CRIM1: variants seen among roughly 807,000 people sequenced by gnomAD.
The protein encoded by CRIM1 is cysteine rich transmembrane BMP regulator 1.
CRIM1 carries 32 observed loss-of-function variants against 116.4 expected under a neutral mutation model. The ratio of observed to expected loss-of-function variants is 0.27; its 90% confidence interval spans 0.21 to 0.37. The LOEUF is 0.37. Among genes scored for constraint, CRIM1 ranks in the 10% least tolerant of loss-of-function variants. CRIM1 has a pLI of 1.00. For synonymous variants in CRIM1, 590 were observed against 509.2 expected, an observed-to-expected ratio of 1.16 and a Z score of -2.13; for missense variants, 1,331 against 1,354.8, an observed-to-expected ratio of 0.98 and a Z score of 0.28.
intron 4 of CRIM1, among the ~76,000 whole-genome samples, chr2:36,457,820 C>T (rs1677261198): frequency 6.6e-6 from 1 of 151,452 alleles, no homozygotes; most frequent in Non-Finnish European, 1.5e-5. Flanking sequence ...AAAGATAGTA[C>T]ATCGAATTTA....
rs114385293 is a variant in CRIM1, at chr2:36,359,336, T to A, written c.331+2713T>A. On this transcript the variant is annotated intron_variant, in intron 1 of 16. Transcript: ENST00000280527. ...ACTAATCTCCCTGCTTTCGATGACA[T>A]AATTTAAATACAAATTATATTCTCT... Among the ~76,000 whole-genome samples the A allele has an allele frequency of 5.2e-3, 797 of 152,374 alleles. 4 individuals carry two copies. The highest frequency in any genetic ancestry group is 0.017 in the African/African-American group (717 of 41,582).
chr2:36,491,688 G>A lies in CRIM1; in HGVS notation c.1373-7531G>A, dbSNP rs529005803. Among the ~76,000 whole-genome samples the A allele has an allele frequency of 1.1e-4, 17 of 152,218 alleles. No individual in the cohort carries two copies. In the East Asian group the frequency reaches 3.1e-3, roughly 28 times the overall value. ...CAATGAATGAAGTATTGTCCCTAAC[G>A]TGCAGACCCTTCCTCCCTGGTTTTC... On this transcript the variant is annotated intron_variant, in intron 7 of 16. Coordinates refer to ENST00000280527, the MANE Select transcript of CRIM1 (RefSeq NM_016441.3).
rs758391999 is a variant in CRIM1, at chr2:36,549,352, G to A, written c.*651G>A. 1.3e-5 allele frequency: 2 copies of A among 152,598 alleles called. No homozygotes were observed. Among genetic ancestry groups the A allele is most frequent in the East Asian group, 1.9e-4 (1 of 5,194 alleles). The allele number at this position is 152,598 out of a possible 1,614,324, so 9.5% of individuals were successfully genotyped here. A position where few individuals can be genotyped will look rare whatever the true frequency, so the allele number is the denominator to read the frequency against. On this transcript the variant is annotated 3_prime_UTR_variant, in exon 17 of 17. Coordinates refer to ENST00000280527, the MANE Select transcript of CRIM1 (RefSeq NM_016441.3). The stretch of plus-strand genomic sequence containing the variant: ...GCATTTCTCTAAAGCGGGTTATTAA[G>A]GATATATACAGTTACACTTTTTGCT...
intron 12 of CRIM1, among the ~76,000 whole-genome samples, chr2:36,519,151 A>C (rs1354413636): frequency 6.6e-6 from 1 of 152,112 alleles, no homozygotes; most frequent in African/African-American, 2.4e-5. Flanking sequence ...GCACTGGGGG[A>C]GGAAATGCCT....
At position 36,453,758 on chromosome 2, in the gene CRIM1, G is replaced by T. The variant is rs560675138; in HGVS notation, c.870-10776G>T. ...TGTTGTGTGCTTTGGTAGTAGAAGT[G>T]TGCAAAAAACACAAAGTTAGCAAAG... On this transcript the variant is annotated intron_variant, in intron 4 of 16. Coordinates refer to ENST00000280527, the MANE Select transcript of CRIM1 (RefSeq NM_016441.3). Among the ~76,000 whole-genome samples, 31 of 152,308 alleles carry T rather than the reference G, an allele frequency of 2.0e-4. 1 individual carries two copies. In the South Asian group the frequency reaches 6.2e-3, roughly 31 times the overall value.
At chr2:36,420,803 G>A (rs1673996019) in intron 2 of CRIM1, among the ~76,000 whole-genome samples, 1 of 152,204 alleles carries the variant, frequency 6.6e-6, no homozygotes, top group Non-Finnish European at 1.5e-5. Context: ...CAGAACAGAT[G>A]GGCAGTTGGG....
intron 2 of CRIM1, among the ~76,000 whole-genome samples, chr2:36,435,227 A>G (rs1392330957): frequency 6.6e-6 from 1 of 152,134 alleles, no homozygotes; most frequent in African/African-American, 2.4e-5. Context: ...TGTTCTACCT[A>G]CTAAATTTCC....
At chr2:36,526,195 T>C (rs1324278338) in intron 13 of CRIM1, among the ~76,000 whole-genome samples, 1 of 152,202 alleles carries the variant, frequency 6.6e-6, no homozygotes, top group Non-Finnish European at 1.5e-5. Context: ...TTTTTTGTAC[T>C]CTGGTTTTCT....
intron 1 of CRIM1, among the ~76,000 whole-genome samples, chr2:36,393,781 C>T (rs1178383180): frequency 6.6e-6 from 1 of 152,156 alleles, no homozygotes; most frequent in Non-Finnish European, 1.5e-5. Context: ...AGCATGGGAG[C>T]AGTTCCTGCG....
intron 14 of CRIM1, among the ~76,000 whole-genome samples, chr2:36,538,420 A>AG (rs902816720): frequency 6.6e-6 from 1 of 151,054 alleles, no homozygotes; most frequent in African/African-American, 2.5e-5. Context: ...GTCCTCAGCG[A>AG]GTCAGGAGCT....
At chr2:36,434,021 G>A (rs1336039962) in intron 2 of CRIM1, among the ~76,000 whole-genome samples, 1 of 152,108 alleles carries the variant, frequency 6.6e-6, no homozygotes, top group African/African-American at 2.4e-5. Context: ...TTCCCCTTGG[G>A]GTTATGATTG....
Position 36,434,770 on chromosome 2 carries a change from TC to T in CRIM1, c.506-6487del, listed in dbSNP as rs760942967. ...CCTATTAATTGTATCAGTTTAGATTTCTTATTAATAATCATGAAGTCTGTTT... is the reference window on the plus strand; with the variant it reads ...CCTATTAATTGTATCAGTTTAGATTTTTATTAATAATCATGAAGTCTGTTT... On this transcript the variant is annotated intron_variant, in intron 2 of 16. Transcript: ENST00000280527. Among the ~76,000 whole-genome samples the T allele has an allele frequency of 3.9e-5, 6 of 152,382 alleles. No individual in the cohort carries two copies. In the South Asian group the frequency reaches 1.2e-3, roughly 32 times the overall value.
At chr2:36,506,187 A>T (rs199962338) in intron 8 of CRIM1, among the ~76,000 whole-genome samples, 29,198 of 95,470 alleles carry the variant, frequency 0.31, 2,322 homozygotes, top group Middle Eastern at 0.42. Flanking sequence ...TCTCTCACAC[A>T]CACACACACA....
chr2:36,375,240 G>A (rs1670237800), intron 1 of CRIM1, among the ~76,000 whole-genome samples: 2 of 151,950 alleles, frequency 1.3e-5, no homozygotes, highest in South Asian at 4.2e-4. Context: ...TCCAGCAAGG[G>A]ACCTACAAAA....
chr2:36,397,900 G>A (rs1672140139), intron 2 of CRIM1, among the ~76,000 whole-genome samples: 2 of 152,048 alleles, frequency 1.3e-5, no homozygotes, highest in African/African-American at 2.4e-5. Context: ...TTGAACACTG[G>A]GAAACTGAGT....
At chr2:36,421,180 A>G (rs1025413326) in intron 2 of CRIM1, among the ~76,000 whole-genome samples, 7 of 152,236 alleles carry the variant, frequency 4.6e-5, no homozygotes, top group African/African-American at 1.7e-4. Context: ...ATACAGAGAT[A>G]CTTTCCAAAG....
intron 11 of CRIM1, among the ~76,000 whole-genome samples, chr2:36,516,475 C>T (rs1665039130): frequency 6.6e-6 from 1 of 152,226 alleles, no homozygotes; most frequent in Non-Finnish European, 1.5e-5. Context: ...ACATTTTCAA[C>T]ATTAAATTCC....
chr2:36,515,226 T>C (rs1182131308), intron 11 of CRIM1, among the ~76,000 whole-genome samples: 2 of 152,146 alleles, frequency 1.3e-5, no homozygotes, highest in African/African-American at 4.8e-5. Context: ...AACAGCTAGA[T>C]TGGTAGAAAT....
At chr2:36,458,379 C>T (rs910905993) in intron 4 of CRIM1, among the ~76,000 whole-genome samples, 3 of 152,100 alleles carry the variant, frequency 2.0e-5, no homozygotes, top group Non-Finnish European at 4.4e-5. Context: ...AGCCCTGTGG[C>T]CTCCTCCAGG....
Sources: allele counts gnomAD v4.1 joint callset (sites outside exome capture counted in the v4.1 genomes callset), GRCh38; gene constraint gnomAD v4.1.1; transcripts MANE v1.5; gene names NCBI Gene and HGNC (gene_info 2026-07-23, HGNC 2026-07-21).